The following ABL2 variants were observed in gnomAD, a reference collection of about 807,000 sequenced individuals.
ABL2 encodes the protein ABL proto-oncogene 2, non-receptor tyrosine kinase.
A neutral mutation model predicts 107.7 loss-of-function variants in ABL2; 49 were observed. That is an observed-to-expected ratio of 0.45 (90% CI 0.36 to 0.58). The LOEUF is 0.58. Among genes scored for constraint, ABL2 ranks in the 20% least tolerant of loss-of-function variants. The probability of loss-of-function intolerance (pLI) is 0.00; values close to 1 mark genes in which losing one functional copy is unlikely to be tolerated. For synonymous variants in ABL2, 549 were observed against 548.6 expected, an observed-to-expected ratio of 1.00 and a Z score of -0.01; for missense variants, 1,245 against 1,457.0, an observed-to-expected ratio of 0.85 and a Z score of 2.37.
intron 8 of ABL2, 158 bp downstream of exon 8, chr1:179,117,174 C>A (rs1424258605): frequency 5.3e-6 from 4 of 755,446 alleles, no homozygotes; most frequent in Non-Finnish European, 8.5e-6. Flanking sequence ...ACAGTCCTGG[C>A]AGATAGGAGG....
chr1:179,194,912 C>T (rs781452211), intron 1 of ABL2, among the ~76,000 whole-genome samples: 46 of 152,208 alleles, frequency 3.0e-4, no homozygotes, highest in Non-Finnish European at 6.0e-4. Flanking sequence ...AAAAATTTCT[C>T]GAAAACAGAT....
intron 1 of ABL2, among the ~76,000 whole-genome samples, chr1:179,168,937 G>A (rs1406920653): frequency 6.6e-6 from 1 of 152,130 alleles, no homozygotes; most frequent in Non-Finnish European, 1.5e-5. Context: ...AACTCACAGT[G>A]CCTTGCAGTC....
At chr1:179,198,817 T>C (rs1441047945) in intron 1 of ABL2, among the ~76,000 whole-genome samples, 1 of 151,134 alleles carries the variant, frequency 6.6e-6, no homozygotes, top group African/African-American at 2.4e-5. Flanking sequence ...TAGGGTATCA[T>C]GTCTATAAAT....
At chr1:179,167,287 T>C (rs1440003002) in intron 1 of ABL2, among the ~76,000 whole-genome samples, 4 of 152,334 alleles carry the variant, frequency 2.6e-5, no homozygotes, top group Middle Eastern at 6.8e-3. Flanking sequence ...AGGGTCATTA[T>C]GTTAAGTGAA....
intron 1 of ABL2, among the ~76,000 whole-genome samples, chr1:179,199,731 CTTTT>C (rs55794608): frequency 5.4e-4 from 74 of 136,168 alleles, no homozygotes; most frequent in East Asian, 1.5e-3. Flanking sequence ...ACACTTTTTC[CTTTT>C]TTTTTTTTTT....
chr1:179,217,162 C>T (rs1375880852), intron 1 of ABL2, among the ~76,000 whole-genome samples: 2 of 150,944 alleles, frequency 1.3e-5, no homozygotes, highest in Admixed American at 6.6e-5. Context: ...GGTGTGGTGG[C>T]GTGCACCTGT....
At chr1:179,181,421 A>T (rs72709476) in intron 1 of ABL2, among the ~76,000 whole-genome samples, 5,122 of 152,282 alleles carry the variant, frequency 0.034, 104 homozygotes, top group Middle Eastern at 0.054. Flanking sequence ...GAGTATTGAG[A>T]ATCAGAGTAA....
At chr1:179,114,823 C>A in intron 9 of ABL2, 55 bp downstream of exon 9, 1 of 1,492,534 alleles carries the variant, frequency 6.7e-7, no homozygotes, top group Non-Finnish European at 9.0e-7. Context: ...ATTTTGTTAA[C>A]TATTCTGAAC....
In ABL2 at chr1:179,126,413, C is replaced by T. The variant is rs28914528; in HGVS notation, c.651G>A (p.Val217=). 8,460 of 1,614,132 alleles carry T rather than the reference C, an allele frequency of 5.2e-3. 247 individuals carry two copies. In the Admixed American group the frequency reaches 0.068, roughly 13 times the overall value. ...CAGTGGTATTGATCCTGTAGTGATA[C>T]ACACGTCCCTCGTACCTGAGCGAGA... ...LSISLRYEGR[V]YHYRINTTAD... The change falls in exon 4 of 12, where the codon GTG becomes GTA. Residue 217 remains valine (V), a synonymous_variant. Coordinates refer to ENST00000502732, the MANE Select transcript of ABL2 (RefSeq NM_007314.4). The surrounding 1 kb of genome is among the most constrained non-coding windows in gnomAD (Gnocchi z 4.4).
intron 1 of ABL2, among the ~76,000 whole-genome samples, chr1:179,164,447 T>C (rs1232097488): frequency 6.6e-6 from 1 of 152,162 alleles, no homozygotes; most frequent in Non-Finnish European, 1.5e-5. Flanking sequence ...CCTAAACACA[T>C]AAAATATGTG....
intron 1 of ABL2, among the ~76,000 whole-genome samples, chr1:179,176,046 G>T (rs1660026961): frequency 2.6e-5 from 4 of 151,984 alleles, no homozygotes; most frequent in African/African-American, 9.6e-5. Flanking sequence ...AGTAGACACG[G>T]GTTTTCACCA....
chr1:179,161,084 C>A (rs1025825892), intron 1 of ABL2, among the ~76,000 whole-genome samples: 1 of 152,060 alleles, frequency 6.6e-6, no homozygotes, highest in Non-Finnish European at 1.5e-5. Flanking sequence ...AGTCTAGGGA[C>A]CAAACTGCCT....
intron 8 of ABL2, among the ~76,000 whole-genome samples, chr1:179,115,529 C>T (rs1488452777): frequency 6.6e-6 from 1 of 152,190 alleles, no homozygotes; most frequent in East Asian, 1.9e-4. Context: ...CTTCTCCTTC[C>T]CGCCTCGCAC....
intron 10 of ABL2, 41 bp downstream of exon 10, chr1:179,112,268 C>T (rs1557911856): frequency 6.4e-7 from 1 of 1,552,434 alleles, no homozygotes; most frequent in Non-Finnish European, 8.9e-7. Context: ...ACCACCACTA[C>T]CCAGAATTAG....
intron 9 of ABL2, among the ~76,000 whole-genome samples, chr1:179,114,289 G>A (rs933292244): frequency 1.3e-5 from 2 of 151,922 alleles, no homozygotes; most frequent in South Asian, 4.2e-4. Flanking sequence ...CGTGCCTGTG[G>A]TTCCAGCTAC....
intron 1 of ABL2, among the ~76,000 whole-genome samples, chr1:179,186,304 T>A (rs1041793050): frequency 6.6e-6 from 1 of 152,188 alleles, no homozygotes; most frequent in Non-Finnish European, 1.5e-5. Flanking sequence ...TAATGTATAC[T>A]AGCCTTGGAA....
intron 1 of ABL2, among the ~76,000 whole-genome samples, chr1:179,160,663 CTTAG>C (rs958121339): frequency 2.0e-5 from 3 of 152,018 alleles, no homozygotes; most frequent in Admixed American, 6.6e-5. Flanking sequence ...TTAAAAATAT[CTTAG>C]TTATATTCTT....
At chr1:179,176,702 C>CTTTTTTTTTTTTTTTTTTTTTTTTT (rs35138436) in intron 1 of ABL2, among the ~76,000 whole-genome samples, 1 of 107,300 alleles carries the variant, frequency 9.3e-6, no homozygotes, top group East Asian at 2.9e-4. Flanking sequence ...GTTACATATT[C>CTTTTTTTTTTTTTTTTTTTTTTTTT]TTTTTTTTTT....
intron 1 of ABL2, among the ~76,000 whole-genome samples, chr1:179,137,470 C>A (rs899772166): frequency 6.6e-6 from 1 of 151,948 alleles, no homozygotes; most frequent in Non-Finnish European, 1.5e-5. Flanking sequence ...TAACACATTA[C>A]AATGTTTATA....
Sources: gnomAD v4.1 joint callset for allele counts (sites outside exome capture counted in the v4.1 genomes callset) on GRCh38, gnomAD v4.1.1 for gene constraint, Gnocchi (gnomAD v3.1) non-coding constraint, MANE v1.5 for transcripts, NCBI Gene and HGNC (gene_info 2026-07-23, HGNC 2026-07-21) for gene names.